The following STN1 variants were observed in gnomAD, a reference collection of about 807,000 sequenced individuals.
STN1 encodes STN1 subunit of CST complex, also known as CST complex subunit STN1.
Under a neutral mutation model 45.5 loss-of-function variants are expected in STN1, and 29 were observed. That is an observed-to-expected ratio of 0.64 (90% confidence interval 0.47 to 0.87). STN1 has a LOEUF of 0.87. STN1 is among the 40% of genes least tolerant of loss of function. The probability of loss-of-function intolerance (pLI) is 0.00; values close to 1 mark genes in which losing one functional copy is unlikely to be tolerated. For synonymous variants in STN1, 148 were observed against 159.0 expected (o/e 0.93, Z 0.52); for missense variants, 376 against 441.4 (o/e 0.85, Z 1.33).
At chr10:103,913,938 C>T (rs1178122475) in intron 2 of STN1, among the ~76,000 whole-genome samples, 12 of 152,124 alleles carry the variant, frequency 7.9e-5, no homozygotes, top group Admixed American at 6.5e-5. Context: ...TATAAGGGTT[C>T]AGGGATCTAG....
At chr10:103,913,018 C>A (rs554156928) in intron 2 of STN1, among the ~76,000 whole-genome samples, 57 of 152,372 alleles carry the variant, frequency 3.7e-4, no homozygotes, top group Non-Finnish European at 7.2e-4. Context: ...GCAGGATGCT[C>A]TGCTGGTGAT....
Position 103,881,524 on chromosome 10 carries a change from C to T in STN1, c.*1160G>A, listed in dbSNP as rs1843068774. 6.6e-6 allele frequency among the ~76,000 whole-genome samples: 1 copy of T among 152,248 alleles called. No homozygotes were observed. The highest frequency in any genetic ancestry group is 2.1e-4 in the South Asian group (1 of 4,836). On this transcript the variant is annotated 3_prime_UTR_variant, in exon 10 of 10. Coordinates refer to ENST00000224950, the MANE Select transcript of STN1 (RefSeq NM_024928.5). ...TATGACAGGAGGCAATCTACTGGTT[C>T]TAGCTCTCAGCCTGACGTATCGAGC...
At position 103,918,179 on chromosome 10, in the gene STN1, G is replaced by C. The variant is rs990896497; in HGVS notation, c.-142C>G. On this transcript the variant is annotated 5_prime_UTR_variant, in exon 1 of 10. Transcript: ENST00000224950. ...GGCGCTCGGAGCCGCTGGCGGCGAC[G>C]ACCCCGCCCGGCGCAGGAGCAGTTG... is the stretch of plus-strand genomic sequence containing the variant. 6.6e-6 allele frequency: 1 copy of C among 152,448 alleles called. No individual in the cohort carries two copies. The highest frequency in any genetic ancestry group is 1.5e-5 in the Non-Finnish European group (1 of 68,200). The allele number at this position is 152,448 out of a possible 1,614,324, so 9.4% of individuals were successfully genotyped here.
intron 2 of STN1, among the ~76,000 whole-genome samples, chr10:103,916,792 CAA>C (rs397768922): frequency 2.1e-5 from 3 of 143,794 alleles, no homozygotes; most frequent in Non-Finnish European, 3.0e-5. Context: ...TATTCTAATA[CAA>C]AAAAAAAAAA....
intron 9 of STN1, among the ~76,000 whole-genome samples, chr10:103,884,066 G>T (rs867074799): frequency 7.1e-6 from 1 of 141,134 alleles, no homozygotes; most frequent in African/African-American, 2.7e-5. Flanking sequence ...CTCCAACCTG[G>T]GTGACAGAGT....
chr10:103,885,217 C>A (rs1409177835), intron 9 of STN1, among the ~76,000 whole-genome samples: 1 of 152,224 alleles, frequency 6.6e-6, no homozygotes, highest in African/African-American at 2.4e-5. Context: ...AGAAAAGCTT[C>A]ATCCCTTCCC....
At chr10:103,899,220 G>T (rs1367831584) in intron 5 of STN1, among the ~76,000 whole-genome samples, 2 of 152,218 alleles carry the variant, frequency 1.3e-5, no homozygotes, top group Non-Finnish European at 2.9e-5. Flanking sequence ...GCTTGGCCAG[G>T]GCCAAGGAAC....
intron 2 of STN1, 78 bp from the exon 3 acceptor site, chr10:103,910,700 G>T: frequency 2.7e-6 from 2 of 750,602 alleles, no homozygotes; most frequent in Non-Finnish European, 4.5e-6. Context: ...TTGTAGGGGG[G>T]AAGGGAGTGT....
At chr10:103,907,771 C>T (rs1390369044) in intron 3 of STN1, among the ~76,000 whole-genome samples, 2 of 151,914 alleles carry the variant, frequency 1.3e-5, no homozygotes, top group Admixed American at 6.6e-5. Flanking sequence ...CATGGCACTT[C>T]CAGGCACACC....
chr10:103,884,081 C>A (rs1448788184), intron 9 of STN1, among the ~76,000 whole-genome samples: 1 of 105,596 alleles, frequency 9.5e-6, no homozygotes, highest in Non-Finnish European at 1.7e-5. Flanking sequence ...CAGAGTGAGA[C>A]TCCATCTCAA....
intron 3 of STN1, among the ~76,000 whole-genome samples, chr10:103,908,508 C>T (rs1364758139): frequency 6.6e-6 from 1 of 152,214 alleles, no homozygotes; most frequent in South Asian, 2.1e-4. Flanking sequence ...GAACCCAGAA[C>T]AGCAGGGAGC....
At chr10:103,910,421 G>T in intron 3 of STN1, 106 bp downstream of exon 3, 1 of 678,664 alleles carries the variant, frequency 1.5e-6, no homozygotes. Context: ...TGCCCTTAGT[G>T]AGGGTCCCCA....
rs1459547586 is a variant in STN1, at chr10:103,892,118, C to T, written c.876+12G>A. The T allele has an allele frequency of 3.2e-6, 5 of 1,566,842 alleles. No homozygotes were observed. In the African/African-American group the frequency reaches 5.5e-5, roughly 17 times the overall value. On this transcript the variant is annotated intron_variant, in intron 8 of 9. Transcript: ENST00000224950. ...GCTACAAAGAAAAAAAGTTAAGTTGCAAGTGTCTTACATAGTATAGGTTAT... is the reference window on the plus strand; with the variant it reads ...GCTACAAAGAAAAAAAGTTAAGTTGTAAGTGTCTTACATAGTATAGGTTAT...
At chr10:103,892,345 T>C (rs1313358723) in intron 7 of STN1, 93 bp from the exon 8 acceptor site, 7 of 1,200,518 alleles carry the variant, frequency 5.8e-6, no homozygotes, top group Non-Finnish European at 6.8e-6. Context: ...CATGAATTTG[T>C]CCAACAGGCC....
intron 2 of STN1, among the ~76,000 whole-genome samples, chr10:103,910,840 T>C (rs924941963): frequency 6.6e-6 from 1 of 152,158 alleles, no homozygotes; most frequent in Non-Finnish European, 1.5e-5. Flanking sequence ...GCATTAAAGC[T>C]TGCACTAGAC....
intron 2 of STN1, among the ~76,000 whole-genome samples, chr10:103,914,360 A>T (rs1439280426): frequency 0.014 from 145 of 10,452 alleles, 8 homozygotes; most frequent in Middle Eastern, 0.083. Flanking sequence ...ATATATATAT[A>T]TATATATATA....
chr10:103,901,922 A>C (rs1383900725), intron 4 of STN1, among the ~76,000 whole-genome samples: 1 of 152,220 alleles, frequency 6.6e-6, no homozygotes, highest in Non-Finnish European at 1.5e-5. Context: ...AGCTTCAGTC[A>C]TTTGGATTTT....
chr10:103,892,035 T>C lies in STN1; in HGVS notation c.876+95A>G, dbSNP rs112272027. 8.7e-5 allele frequency: 92 copies of C among 1,059,404 alleles called. 1 individual carries two copies. The African/African-American group carries it at 1.3e-3, about 15-fold the overall frequency. 65.6% of individuals were successfully genotyped at this position (1,059,404 alleles called of 1,614,324 possible). On this transcript the variant is annotated intron_variant, in intron 8 of 9. Transcript: ENST00000224950. The stretch of plus-strand genomic sequence containing the variant: ...CTTCTGATTTTATGTACCTCCTTAA[T>C]GATTTTTAAGAATAATTAAGTGGTT...
At chr10:103,889,188 C>T in intron 8 of STN1, 44 bp from the exon 9 acceptor site, 2 of 1,276,032 alleles carry the variant, frequency 1.6e-6, no homozygotes, top group Non-Finnish European at 2.3e-6. Context: ...TCTTAGGTAA[C>T]ACAGCAGTTG....
Sources: gnomAD v4.1 joint callset for allele counts (sites outside exome capture counted in the v4.1 genomes callset) on GRCh38, gnomAD v4.1.1 for gene constraint, MANE v1.5 for transcripts, NCBI Gene and HGNC (gene_info 2026-07-23, HGNC 2026-07-21) for gene names.